Variants in CWF19L1 observed in about 807,000 individuals in gnomAD.
CWF19L1 encodes the protein CWF19-like protein 1.
A neutral mutation model predicts 69.7 loss-of-function variants in CWF19L1; 60 were observed. That is an observed-to-expected ratio of 0.86 (90% confidence interval 0.70 to 1.07). The LOEUF is 1.07. Ranked by LOEUF, CWF19L1 falls within the 50% of genes least tolerant of loss-of-function variation. The pLI, the probability that CWF19L1 is intolerant of heterozygous loss-of-function variation, is 0.00. For missense variants in CWF19L1, 591 were observed against 638.9 expected (o/e 0.92, Z 0.81); for synonymous variants, 209 against 222.2 (o/e 0.94, Z 0.53).
intron 5 of CWF19L1, among the ~76,000 whole-genome samples, chr10:100,255,372 C>T (rs139142598): frequency 0.013 from 1,923 of 151,440 alleles, 41 homozygotes; most frequent in African/African-American, 0.044. Context: ...AGGCTGGGCA[C>T]GGTGGCTCAT....
At position 100,262,426 on chromosome 10, in the gene CWF19L1, C is replaced by T. The variant is rs1020778629; in HGVS notation, c.24-363G>A. On this transcript the variant is annotated intron_variant, in intron 1 of 13. Coordinates refer to ENST00000354105, the MANE Select transcript of CWF19L1 (RefSeq NM_018294.6). Reference sequence around the variant, plus strand: ...AAACATCTTTCACATTCATTCTATCCTTCTTATTTTGACTCCTCCTATCTT... The same window carrying T: ...AAACATCTTTCACATTCATTCTATCTTTCTTATTTTGACTCCTCCTATCTT... 4.1e-6 allele frequency: 4 copies of T among 985,188 alleles called. No homozygotes were observed. In the African/African-American group the frequency reaches 7.0e-5, roughly 17 times the overall value. The allele number at this position is 985,188 out of a possible 1,614,324, so 61.0% of individuals were successfully genotyped here. A position where few individuals can be genotyped will look rare whatever the true frequency, so the allele number is the denominator to read the frequency against.
In CWF19L1 at chr10:100,236,976, G is replaced by A. The variant is rs185005670; in HGVS notation, c.1255-7C>T. On this transcript the variant is annotated splice_polypyrimidine_tract_variant and splice_region_variant and intron_variant, in intron 11 of 13. Transcript: ENST00000354105. Reference sequence around the variant, plus strand: ...TGATTGGGACAGGAATGACCTGGGGGTTGGGGAGACAGGAGAAATTCCTTG... The same window carrying A: ...TGATTGGGACAGGAATGACCTGGGGATTGGGGAGACAGGAGAAATTCCTTG... The A allele has an allele frequency of 1.3e-6, 2 of 1,566,962 alleles. No homozygotes were observed. Among genetic ancestry groups the A allele is most frequent in the Non-Finnish European group, 1.7e-6 (2 of 1,157,386 alleles).
chr10:100,249,531 A>T (rs1162663793), intron 7 of CWF19L1, among the ~76,000 whole-genome samples: 1 of 151,998 alleles, frequency 6.6e-6, no homozygotes, highest in Non-Finnish European at 1.5e-5. Context: ...TATCACTAAG[A>T]TTTCCCTCAG....
In CWF19L1 at chr10:100,256,269, T is replaced by C; in HGVS notation, c.497A>G (p.Asn166Ser). 1 of 1,613,508 alleles carries C rather than the reference T, an allele frequency of 6.2e-7. No homozygotes were observed. The highest frequency in any genetic ancestry group is 1.7e-4 in the Middle Eastern group (1 of 6,040). ...TAAACAAACACTACTCACAGAAGAA[T>C]TCCCAAAGTTCCCCACACACTTGGG... ...PWPKCVGNFGNSSGEVDTKKC... is the reference protein window; with the variant it reads ...PWPKCVGNFGSSSGEVDTKKC... The change falls in exon 5 of 14, where the codon AAT becomes AGT. Residue 166 changes from asparagine to serine, a missense_variant. Physicochemically the swap from Asn to Ser is conservative, Grantham distance 46. This residue lies in a region of CWF19L1 where 458 missense variants were observed against 489.3 expected (regional missense o/e 0.94). Coordinates refer to ENST00000354105, the MANE Select transcript of CWF19L1 (RefSeq NM_018294.6).
chr10:100,245,348 G>A (rs1208897722), intron 9 of CWF19L1, among the ~76,000 whole-genome samples: 1 of 152,130 alleles, frequency 6.6e-6, no homozygotes, highest in Middle Eastern at 3.2e-3. Flanking sequence ...ATCCCAATAT[G>A]GGTATATAAG....
At chr10:100,261,843 A>T in intron 2 of CWF19L1, 136 bp downstream of exon 2, 1 of 639,348 alleles carries the variant, frequency 1.6e-6, no homozygotes, top group Non-Finnish European at 2.6e-6. Flanking sequence ...AGCAGCTACT[A>T]AGTTCCTATG....
chr10:100,256,498 C>T (rs1465248733), intron 4 of CWF19L1, 22 bp from the exon 5 acceptor site: 1 of 1,603,622 alleles, frequency 6.2e-7, no homozygotes, highest in Non-Finnish European at 8.5e-7. Context: ...GAAAAATGAA[C>T]AAATTTTAGT....
At chr10:100,266,813 C>G (rs145753711) in intron 1 of CWF19L1, among the ~76,000 whole-genome samples, 3 of 151,466 alleles carry the variant, frequency 2.0e-5, no homozygotes, top group African/African-American at 7.3e-5. Context: ...AGCCACCGCG[C>G]CCGGCCATTA....
chr10:100,251,887 T>C (rs1847048707), intron 6 of CWF19L1, among the ~76,000 whole-genome samples: 1 of 152,164 alleles, frequency 6.6e-6, no homozygotes, highest in Non-Finnish European at 1.5e-5. Context: ...GAGTGGCTTG[T>C]TCCCAAAACT....
At chr10:100,261,761 A>G (rs988444166) in intron 2 of CWF19L1, among the ~76,000 whole-genome samples, 2 of 152,240 alleles carry the variant, frequency 1.3e-5, no homozygotes, top group Non-Finnish European at 2.9e-5. Context: ...GTGATAAAGT[A>G]ACAATATTCA....
At chr10:100,253,362 T>A in intron 6 of CWF19L1, 59 bp downstream of exon 6, 1 of 1,018,776 alleles carries the variant, frequency 9.8e-7, no homozygotes, top group South Asian at 1.3e-5. Flanking sequence ...AAGAGAAGTT[T>A]ATACAGAAGA....
intron 6 of CWF19L1, 140 bp from the exon 7 acceptor site, chr10:100,250,472 T>C: frequency 1.6e-6 from 1 of 635,046 alleles, no homozygotes; most frequent in South Asian, 1.8e-5. Flanking sequence ...TTCAGATAAG[T>C]TACTATCTAT....
chr10:100,239,877 A>G (rs1047055934), intron 10 of CWF19L1, among the ~76,000 whole-genome samples: 1 of 152,106 alleles, frequency 6.6e-6, no homozygotes, highest in Non-Finnish European at 1.5e-5. Flanking sequence ...GGCACTAAAA[A>G]CTTTTTTTTA....
At chr10:100,234,541 C>T (rs1846372457) in intron 13 of CWF19L1, among the ~76,000 whole-genome samples, 1 of 152,166 alleles carries the variant, frequency 6.6e-6, no homozygotes, top group South Asian at 2.1e-4. Context: ...TCTCGTAGCA[C>T]ACTTGTTCCC....
chr10:100,262,341 T>A (rs765139220), intron 1 of CWF19L1: 13 of 985,458 alleles, frequency 1.3e-5, no homozygotes, highest in Non-Finnish European at 1.4e-5. Context: ...ATGGCTGACA[T>A]GGTCAACAAA....
intron 10 of CWF19L1, among the ~76,000 whole-genome samples, 182 bp from the exon 11 acceptor site, chr10:100,238,413 G>A (rs1019155385): frequency 2.0e-5 from 3 of 152,170 alleles, no homozygotes; most frequent in East Asian, 3.9e-4. Context: ...TCAGGTATCC[G>A]CTGAAGAGTG....
chr10:100,264,544 CA>C (rs35268592), intron 1 of CWF19L1, among the ~76,000 whole-genome samples: 29,164 of 105,304 alleles, frequency 0.28, 5,493 homozygotes, highest in African/African-American at 0.57. Flanking sequence ...GACTCCATCT[CA>C]AAAAAAAAAA....
At chr10:100,238,655 G>A (rs1846533486) in intron 10 of CWF19L1, among the ~76,000 whole-genome samples, 1 of 152,100 alleles carries the variant, frequency 6.6e-6, no homozygotes, top group Non-Finnish European at 1.5e-5. Context: ...TTTCGGCTGG[G>A]ATAGTGGCTC....
intron 9 of CWF19L1, among the ~76,000 whole-genome samples, chr10:100,244,429 C>T (rs1164131800): frequency 1.3e-5 from 2 of 152,226 alleles, no homozygotes; most frequent in African/African-American, 2.4e-5. Flanking sequence ...GATCTCGGCT[C>T]ACTGCAAGCT....
Sources: allele counts gnomAD v4.1 joint callset (sites outside exome capture counted in the v4.1 genomes callset), GRCh38; gene constraint gnomAD v4.1.1; regional missense constraint gnomAD v4.1.1; transcripts MANE v1.5; gene names NCBI Gene and HGNC (gene_info 2026-07-23, HGNC 2026-07-21).